The following SHANK2 variants were observed in gnomAD, a reference collection of about 807,000 sequenced individuals.
SHANK2 encodes SH3 and multiple ankyrin repeat domains 2.
Under a neutral mutation model 133.7 loss-of-function variants are expected in SHANK2, and 43 were observed. The observed-to-expected ratio is 0.32, with a 90% CI of 0.25 to 0.41. SHANK2 has a LOEUF of 0.41. SHANK2 is among the 10% of genes least tolerant of loss of function. The pLI is 1.00. For missense variants in SHANK2, 1,994 were observed against 2,235.8 expected, an observed-to-expected ratio of 0.89 and a Z score of 2.18; for synonymous variants, 1,017 against 952.8, an observed-to-expected ratio of 1.07 and a Z score of -1.24.
intron 17 of SHANK2, among the ~76,000 whole-genome samples, chr11:70,542,616 C>T (rs2059636919): frequency 6.6e-6 from 1 of 152,188 alleles, no homozygotes; most frequent in African/African-American, 2.4e-5. Context: ...CTGGGACTCT[C>T]TCCAACACCT....
At position 70,784,180 on chromosome 11, in the gene SHANK2, C is replaced by T. The variant is rs961069155; in HGVS notation, c.1777+14263G>A. On this transcript the variant is annotated intron_variant, in intron 14 of 25. Coordinates refer to ENST00000601538, the MANE Select transcript of SHANK2 (RefSeq NM_012309.5). ...TCGGGAGAATACACAGAAACCCCTGCTTTTTTTTTTTTTTGAGACAGAGTC... is the reference window on the plus strand; with the variant it reads ...TCGGGAGAATACACAGAAACCCCTGTTTTTTTTTTTTTTTGAGACAGAGTC... Among the ~76,000 whole-genome samples the T allele has an allele frequency of 3.5e-5, 5 of 142,020 alleles. No individual in the cohort carries two copies. The South Asian group carries it at 1.1e-3, about 32-fold the overall frequency. The allele number at this position is 142,020 out of a possible 152,430, so 93.2% of individuals were successfully genotyped here.
intron 17 of SHANK2, among the ~76,000 whole-genome samples, chr11:70,511,292 GA>G (rs1447398035): frequency 2.0e-5 from 3 of 152,042 alleles, no homozygotes; most frequent in Non-Finnish European, 4.4e-5. Context: ...AGGGACAGAG[GA>G]AAAAAAGCTT....
chr11:71,146,826 C>A (rs539878367), intron 3 of SHANK2, among the ~76,000 whole-genome samples: 1 of 152,324 alleles, frequency 6.6e-6, no homozygotes, highest in African/African-American at 2.4e-5. Context: ...CTCTCCACCT[C>A]TGGGACTCTT....
chr11:71,124,709 T>C (rs1175274528), intron 3 of SHANK2, among the ~76,000 whole-genome samples: 2 of 152,176 alleles, frequency 1.3e-5, no homozygotes, highest in Non-Finnish European at 2.9e-5. Flanking sequence ...AAGTGATAGA[T>C]GATGTTCCTC....
intron 14 of SHANK2, among the ~76,000 whole-genome samples, chr11:70,775,795 A>G (rs936621894): frequency 6.6e-6 from 1 of 152,208 alleles, no homozygotes; most frequent in Non-Finnish European, 1.5e-5. Context: ...CTTAAATTTA[A>G]TCTGCAAATG....
intron 8 of SHANK2, among the ~76,000 whole-genome samples, chr11:71,079,152 T>C (rs918322798): frequency 2.6e-5 from 4 of 152,238 alleles, no homozygotes; most frequent in Admixed American, 2.6e-4. Context: ...CACAGCATCC[T>C]TTCTAAGGCA....
intron 12 of SHANK2, among the ~76,000 whole-genome samples, chr11:70,808,246 C>T (rs782434996): frequency 9.9e-5 from 15 of 152,116 alleles, no homozygotes; most frequent in African/African-American, 2.4e-4. Flanking sequence ...CTGTCACCCA[C>T]GCGGGACTGC....
At chr11:70,547,359 C>G (rs1447272672) in intron 17 of SHANK2, among the ~76,000 whole-genome samples, 1 of 152,152 alleles carries the variant, frequency 6.6e-6, no homozygotes, top group Non-Finnish European at 1.5e-5. Context: ...CTCTTGGGTT[C>G]AAGCGATTCT....
intron 17 of SHANK2, among the ~76,000 whole-genome samples, chr11:70,636,565 A>C (rs1163458186): frequency 4.1e-5 from 6 of 147,178 alleles, no homozygotes; most frequent in Admixed American, 4.0e-4. Flanking sequence ...GTACATGTGC[A>C]TGTGTGTGTA....
At chr11:70,751,951 A>T (rs116781846) in intron 14 of SHANK2, among the ~76,000 whole-genome samples, 3,316 of 152,338 alleles carry the variant, frequency 0.022, 106 homozygotes, top group African/African-American at 0.076. Context: ...CGGGAAAGAA[A>T]AATAGAGAAT....
chr11:71,135,126 C>A (rs1555104519), intron 3 of SHANK2, among the ~76,000 whole-genome samples: 19 of 152,096 alleles, frequency 1.2e-4, no homozygotes, highest in Non-Finnish European at 1.5e-5. Flanking sequence ...TCCCTGAAGA[C>A]CCTCACCCTA....
intron 15 of SHANK2, among the ~76,000 whole-genome samples, chr11:70,686,966 C>T (rs1945169239): frequency 6.6e-6 from 1 of 152,230 alleles, no homozygotes; most frequent in Non-Finnish European, 1.5e-5. Context: ...ACTAAGAGCA[C>T]TCCTGCCCAT....
intron 10 of SHANK2, chr11:70,908,155 G>A (rs1485640202): frequency 1.1e-5 from 3 of 263,098 alleles, no homozygotes; most frequent in Non-Finnish European, 2.3e-5. Flanking sequence ...TTGCCTGCTA[G>A]TGCAGCAGTG....
intron 17 of SHANK2, among the ~76,000 whole-genome samples, chr11:70,529,167 C>T (rs1233081793): frequency 6.6e-6 from 1 of 152,138 alleles, no homozygotes; most frequent in African/African-American, 2.4e-5. Context: ...TCTCATGTGG[C>T]ACCAGCTCAG....
chr11:70,490,322 C>A lies in SHANK2; in HGVS notation c.2505G>T (p.Pro835=). The change falls in exon 23 of 26, where the codon CCG becomes CCT. Residue 835 remains proline, a synonymous_variant. Transcript: ENST00000601538. ...TCGTACCTCGAGGGATGCCCAGAAA[C>A]GGGGCTTTTGGGCTCCCAGGAACAG... The part of the protein sequence containing the change: ...TPTVPGSPKA[P]FLGIPRGTMR... 2 of 1,614,236 alleles carry A rather than the reference C, an allele frequency of 1.2e-6. No individual in the cohort carries two copies. The highest frequency in any genetic ancestry group is 2.2e-5 in the South Asian group (2 of 91,090).
At chr11:70,779,864 C>T (rs1312619097) in intron 14 of SHANK2, among the ~76,000 whole-genome samples, 2 of 152,226 alleles carry the variant, frequency 1.3e-5, no homozygotes, top group South Asian at 2.1e-4. Flanking sequence ...GACCCAGACC[C>T]GGCCAGTCAC....
At chr11:70,801,730 G>C (rs368293539) in intron 13 of SHANK2, among the ~76,000 whole-genome samples, 1 of 152,098 alleles carries the variant, frequency 6.6e-6, no homozygotes, top group African/African-American at 2.4e-5. Context: ...GGGATCCCGG[G>C]GACTCCTGTT....
In SHANK2 at chr11:71,242,987, C is replaced by T. The variant is rs536574473; in HGVS notation, c.-113+9438G>A. Among the ~76,000 whole-genome samples the T allele has an allele frequency of 4.4e-4, 67 of 152,236 alleles. No individual in the cohort carries two copies. The South Asian group carries it at 0.012, about 28-fold the overall frequency. On this transcript the variant is annotated intron_variant, in intron 1 of 25. Coordinates refer to ENST00000601538, the MANE Select transcript of SHANK2 (RefSeq NM_012309.5). Reference sequence around the variant, plus strand: ...AGCCAATGGGTCAGAGAATAAACCACGGGGAAATTGGAAAACACTTTGAAA... The same window carrying T: ...AGCCAATGGGTCAGAGAATAAACCATGGGGAAATTGGAAAACACTTTGAAA...
At position 71,217,050 on chromosome 11, in the gene SHANK2, G is replaced by T. The variant is rs535698190; in HGVS notation, c.-13+7647C>A. Reference sequence around the variant, plus strand: ...CGTCTCTACCAAAAATACAAAATTAGCCAGGCATGGTGGTGCATGCCTCTA... The same window carrying T: ...CGTCTCTACCAAAAATACAAAATTATCCAGGCATGGTGGTGCATGCCTCTA... On this transcript the variant is annotated intron_variant, in intron 2 of 25. Transcript: ENST00000601538. 3.0e-3 allele frequency among the ~76,000 whole-genome samples: 456 copies of T among 151,674 alleles called. 2 individuals carry two copies. The highest frequency in any genetic ancestry group is 0.011 in the African/African-American group (439 of 41,302).
Sources: gnomAD v4.1 joint callset for allele counts (sites outside exome capture counted in the v4.1 genomes callset) on GRCh38, gnomAD v4.1.1 for gene constraint, MANE v1.5 for transcripts, NCBI Gene and HGNC (gene_info 2026-07-23, HGNC 2026-07-21) for gene names.